The following FAM81B variants were observed in gnomAD, a reference collection of about 807,000 sequenced individuals.
FAM81B encodes family with sequence similarity 81 member B.
Under a neutral mutation model 58.7 loss-of-function variants are expected in FAM81B, and 60 were observed. That is an observed-to-expected ratio of 1.02 (90% CI 0.83 to 1.27). FAM81B has a LOEUF of 1.27. Ranked by LOEUF, FAM81B falls within the 50% of genes most tolerant of loss-of-function variation. The pLI is 0.00. For synonymous variants in FAM81B, 189 were observed against 179.6 expected, an observed-to-expected ratio of 1.05 and a Z score of -0.42; for missense variants, 491 against 522.0, an observed-to-expected ratio of 0.94 and a Z score of 0.58.
At chr5:95,415,526 C>T (rs1385278728) in intron 4 of FAM81B, among the ~76,000 whole-genome samples, 3 of 152,136 alleles carry the variant, frequency 2.0e-5, no homozygotes, top group Non-Finnish European at 4.4e-5. Context: ...TTTGAATTGA[C>T]CTCAGTGCTT....
At chr5:95,423,287 C>CA (rs1474069739) in intron 5 of FAM81B, among the ~76,000 whole-genome samples, 1 of 152,094 alleles carries the variant, frequency 6.6e-6, no homozygotes, top group Non-Finnish European at 1.5e-5. Context: ...TAAGTCCTCC[C>CA]AATGAGATGA....
chr5:95,392,968 A>C (rs1761868421), intron 2 of FAM81B, 71 bp downstream of exon 2: 2 of 1,296,244 alleles, frequency 1.5e-6, no homozygotes, highest in African/African-American at 1.5e-5. Flanking sequence ...TAGAGTGCTT[A>C]GAGAGTTTAA....
At chr5:95,433,235 C>A (rs1744968831) in intron 6 of FAM81B, among the ~76,000 whole-genome samples, 1 of 148,984 alleles carries the variant, frequency 6.7e-6, no homozygotes, top group African/African-American at 2.6e-5. Flanking sequence ...GCTGGGGAGA[C>A]CTCACAGTCA....
chr5:95,397,329 G>T (rs947125290), intron 3 of FAM81B, among the ~76,000 whole-genome samples: 1 of 152,158 alleles, frequency 6.6e-6, no homozygotes, highest in African/African-American at 2.4e-5. Flanking sequence ...GCAATATTTG[G>T]ACAGATGACT....
At position 95,448,642 on chromosome 5, in the gene FAM81B, ATAAAT is replaced by A. The variant is rs1244773496; in HGVS notation, c.1225+182_1225+186del. 6 of 673,066 alleles carry A rather than the reference ATAAAT, an allele frequency of 8.9e-6. No individual in the cohort carries two copies. The African/African-American group carries it at 9.1e-5, about 10-fold the overall frequency. 41.7% of individuals were successfully genotyped at this position (673,066 alleles called of 1,614,324 possible). A position where few individuals can be genotyped will look rare whatever the true frequency, so the allele number is the denominator to read the frequency against. ...GAGTATTATACTGGAAGGCATATAAATAAATTAACTTTCTTCACTTGGCAATGTCA... is the reference window on the plus strand; with the variant it reads ...GAGTATTATACTGGAAGGCATATAAATAACTTTCTTCACTTGGCAATGTCA... On this transcript the variant is annotated intron_variant, in intron 9 of 9. Coordinates refer to ENST00000283357, the MANE Select transcript of FAM81B (RefSeq NM_152548.3).
intron 7 of FAM81B, among the ~76,000 whole-genome samples, chr5:95,443,647 T>A (rs1745448924): frequency 6.6e-6 from 1 of 152,044 alleles, no homozygotes. Context: ...AGAAAAAGAG[T>A]TATACAAACC....
At chr5:95,408,030 C>T (rs116467624) in intron 3 of FAM81B, among the ~76,000 whole-genome samples, 1,553 of 150,306 alleles carry the variant, frequency 0.01, 17 homozygotes, top group Middle Eastern at 0.021. Flanking sequence ...ACCATGTGGA[C>T]CTCTCCACAG....
intron 7 of FAM81B, among the ~76,000 whole-genome samples, chr5:95,444,160 A>G (rs1332631413): frequency 6.6e-6 from 1 of 152,220 alleles, no homozygotes; most frequent in Admixed American, 6.5e-5. Flanking sequence ...TTTGTCAGCA[A>G]TGCTAATAAA....
At chr5:95,449,558 G>A (rs1745715522) in intron 9 of FAM81B, among the ~76,000 whole-genome samples, 1 of 152,178 alleles carries the variant, frequency 6.6e-6, no homozygotes, top group Admixed American at 6.5e-5. Flanking sequence ...GCTGCTTTAT[G>A]CCTTTAATAA....
chr5:95,395,442 C>CAAAAA (rs70978184), intron 2 of FAM81B, among the ~76,000 whole-genome samples: 1 of 103,100 alleles, frequency 9.7e-6, no homozygotes, highest in African/African-American at 3.8e-5. Flanking sequence ...GACCCCGTCT[C>CAAAAA]AAAAAAAAAA....
Position 95,391,475 on chromosome 5 carries a change from C to G in FAM81B, c.86C>G (p.Thr29Arg). 1 of 1,613,588 alleles carries G rather than the reference C, an allele frequency of 6.2e-7. No homozygotes were observed. Among genetic ancestry groups the G allele is most frequent in the Non-Finnish European group, 8.5e-7 (1 of 1,179,728 alleles). The change falls in exon 1 of 10, where the codon ACA becomes AGA. Residue 29 changes from threonine to arginine, a missense_variant. Physicochemically the swap from Thr to Arg is moderately conservative, Grantham distance 71. Transcript: ENST00000283357. ...QRLFFKNIKSTKNKAGKASIM... is the reference protein window; with the variant it reads ...QRLFFKNIKSRKNKAGKASIM... ...TTGTTTTTCAAAAATATCAAATCTA[C>G]AAAAAATAAAGCTGGAAAAGCAAGC...
At chr5:95,448,153 C>T in intron 8 of FAM81B, 116 bp from the exon 9 acceptor site, 1 of 954,516 alleles carries the variant, frequency 1.0e-6, no homozygotes. Flanking sequence ...TACAAAGGAA[C>T]TTGGTTTGAA....
chr5:95,426,933 T>C (rs13153016), intron 5 of FAM81B, among the ~76,000 whole-genome samples: 42,779 of 151,732 alleles, frequency 0.28, 6,147 homozygotes, highest in Non-Finnish European at 0.29. Flanking sequence ...CCTGTAGTCC[T>C]AGCTACTCGG....
In FAM81B at chr5:95,409,943, G is replaced by A. The variant is rs1247439716; in HGVS notation, c.294-4004G>A. Among the ~76,000 whole-genome samples, 9 of 152,336 alleles carry A rather than the reference G, an allele frequency of 5.9e-5. No individual in the cohort carries two copies. The East Asian group carries it at 1.7e-3, about 29-fold the overall frequency. The stretch of plus-strand genomic sequence containing the variant: ...TTGCATATGGCAAATACCACCAGTA[G>A]TCAATCCAGTAGACGTTTTCTCCTT... On this transcript the variant is annotated intron_variant, in intron 3 of 9. Coordinates refer to ENST00000283357, the MANE Select transcript of FAM81B (RefSeq NM_152548.3).
At chr5:95,423,330 C>A (rs762463410) in intron 5 of FAM81B, among the ~76,000 whole-genome samples, 2 of 151,948 alleles carry the variant, frequency 1.3e-5, no homozygotes, top group African/African-American at 4.8e-5. Context: ...CTTTTGATAC[C>A]CTGTCCTTTA....
intron 5 of FAM81B, among the ~76,000 whole-genome samples, chr5:95,421,244 T>C (rs1762673438): frequency 6.6e-6 from 1 of 152,186 alleles, no homozygotes; most frequent in African/African-American, 2.4e-5. Context: ...GTGAATGCTG[T>C]ACTAAAAGTC....
chr5:95,423,127 G>A (rs963020494), intron 5 of FAM81B, among the ~76,000 whole-genome samples: 1 of 149,846 alleles, frequency 6.7e-6, no homozygotes, highest in African/African-American at 2.5e-5. Context: ...CTATTCCAAT[G>A]AGCATTTTGG....
At position 95,391,419 on chromosome 5, in the gene FAM81B, T is replaced by C. The variant is rs1761811722; in HGVS notation, c.30T>C (p.Ala10=). 4 of 1,613,684 alleles carry C rather than the reference T, an allele frequency of 2.5e-6. No individual in the cohort carries two copies. Among genetic ancestry groups the C allele is most frequent in the Non-Finnish European group, 2.5e-6 (3 of 1,179,746 alleles). Residue 10 remains alanine, a synonymous_variant, in exon 1 of 10, where the codon GCT becomes GCC. Transcript: ENST00000283357. Reference sequence around the variant, plus strand: ...AATTACAATTCCTTGGTACATTGGCTTCCTCAGAAAAAAGAAAAAAATCAC... The same window carrying C: ...AATTACAATTCCTTGGTACATTGGCCTCCTCAGAAAAAAGAAAAAAATCAC... The part of the protein sequence containing the change: MQLQFLGTL[A]SSEKRKKSQR...
chr5:95,414,909 C>T lies in FAM81B; in HGVS notation c.537+719C>T, dbSNP rs556163107. Among the ~76,000 whole-genome samples, 6 of 152,146 alleles carry T rather than the reference C, an allele frequency of 3.9e-5. No individual in the cohort carries two copies. In the South Asian group the frequency reaches 1.2e-3, roughly 32 times the overall value. ...AAACTACCATGGTCTATATTTGATT[C>T]CTGTTTGTTTTCTCTTTCTAAGATA... On this transcript the variant is annotated intron_variant, in intron 4 of 9. Transcript: ENST00000283357.
Sources: allele counts gnomAD v4.1 joint callset (sites outside exome capture counted in the v4.1 genomes callset), GRCh38; gene constraint gnomAD v4.1.1; transcripts MANE v1.5; gene names NCBI Gene and HGNC (gene_info 2026-07-23, HGNC 2026-07-21).